Variants in BOC observed in about 807,000 individuals in gnomAD.
The protein encoded by BOC is BOC cell adhesion associated, oncogene regulated, also known as brother of CDO.
In BOC, 76 loss-of-function variants were observed where a neutral mutation model predicts 112.0. That is an observed-to-expected ratio of 0.68 (90% CI 0.56 to 0.82). The LOEUF (loss-of-function observed/expected upper bound fraction) is 0.82. BOC is among the 40% of genes least tolerant of loss of function. The pLI, the probability that BOC is intolerant of heterozygous loss-of-function variation, is 0.00. For missense variants in BOC, 1,309 were observed against 1,511.7 expected, an observed-to-expected ratio of 0.87 and a Z score of 2.22; for synonymous variants, 580 against 599.8, an observed-to-expected ratio of 0.97 and a Z score of 0.48.
intron 1 of BOC, chr3:113,212,320 A>C (rs947095981): frequency 2.6e-5 from 4 of 152,026 alleles, no homozygotes; most frequent in African/African-American, 9.7e-5. Context: ...TCCCTGCCGC[A>C]GCGGTCTGGC....
At chr3:113,223,636 A>T (rs1236795101) in intron 2 of BOC, among the ~76,000 whole-genome samples, 1 of 152,166 alleles carries the variant, frequency 6.6e-6, no homozygotes, top group Admixed American at 6.5e-5. Context: ...GCCCCTGGCA[A>T]CCGCTGATCT....
intron 5 of BOC, among the ~76,000 whole-genome samples, chr3:113,268,907 C>G (rs776408432): frequency 6.6e-6 from 1 of 152,224 alleles, no homozygotes; most frequent in Non-Finnish European, 1.5e-5. Flanking sequence ...TGTGTTCTTT[C>G]TTGATATTTG....
chr3:113,236,264 G>GTCTATATATACCCA (rs1559821292), intron 2 of BOC, among the ~76,000 whole-genome samples: 1 of 25,514 alleles, frequency 3.9e-5, no homozygotes, highest in Non-Finnish European at 1.0e-4. Flanking sequence ...GTGTGTGTGT[G>GTCTATATATACCCA]TGTATATATA....
At chr3:113,218,509 G>A (rs1375330791) in intron 2 of BOC, among the ~76,000 whole-genome samples, 1 of 152,210 alleles carries the variant, frequency 6.6e-6, no homozygotes, top group Non-Finnish European at 1.5e-5. Flanking sequence ...GCCCAAGTGA[G>A]AGAGACTTAA....
intron 2 of BOC, among the ~76,000 whole-genome samples, chr3:113,225,900 T>C (rs1480259424): frequency 1.3e-5 from 2 of 152,140 alleles, no homozygotes; most frequent in Admixed American, 1.3e-4. Flanking sequence ...TACTGAACTG[T>C]GTAAGTGTGG....
intron 4 of BOC, among the ~76,000 whole-genome samples, chr3:113,257,548 T>C (rs1004218392): frequency 6.6e-6 from 1 of 152,008 alleles, no homozygotes; most frequent in Non-Finnish European, 1.5e-5. Flanking sequence ...ATAAAACCTA[T>C]GTCTTGATTT....
intron 4 of BOC, 44 bp from the exon 5 acceptor site, chr3:113,268,255 T>G (rs371834955): frequency 1.9e-6 from 3 of 1,610,434 alleles, no homozygotes; most frequent in Non-Finnish European, 2.5e-6. Context: ...TGTCACACTT[T>G]TGCTCTGCTG....
intron 6 of BOC, chr3:113,271,289 TG>T (rs1477726513): frequency 8.1e-6 from 4 of 492,358 alleles, no homozygotes; most frequent in Non-Finnish European, 1.6e-5. Flanking sequence ...GGACACAGCA[TG>T]TGCCTAGAAC....
intron 9 of BOC, among the ~76,000 whole-genome samples, chr3:113,275,533 G>A (rs546988917): frequency 4.6e-5 from 7 of 152,322 alleles, no homozygotes; most frequent in East Asian, 3.9e-4. Context: ...TTCACTCCAA[G>A]TATATGCCAT....
chr3:113,260,422 G>A (rs1946690054), intron 4 of BOC, among the ~76,000 whole-genome samples: 1 of 152,136 alleles, frequency 6.6e-6, no homozygotes, highest in African/African-American at 2.4e-5. Flanking sequence ...AACAACATTG[G>A]AAAGAAACTG....
At chr3:113,223,588 CT>C (rs1411521505) in intron 2 of BOC, among the ~76,000 whole-genome samples, 1 of 152,180 alleles carries the variant, frequency 6.6e-6, no homozygotes, top group African/African-American at 2.4e-5. Context: ...CTAAAAATCC[CT>C]TGTGCGCCAC....
rs1365256192 is a variant in BOC, at chr3:113,278,812, G to A, written c.1816+29G>A. On this transcript the variant is annotated intron_variant, in intron 11 of 19. Transcript: ENST00000682979. This position sits in a 1 kb window ranked among gnomAD's most constrained non-coding sequence, Gnocchi z 4.2. Reference sequence around the variant, plus strand: ...AGCCGCTAGCAGCAGGGACGGACGCGCAGTCAGGACTGGAACTGCCTCAGA... The same window carrying A: ...AGCCGCTAGCAGCAGGGACGGACGCACAGTCAGGACTGGAACTGCCTCAGA... 25 of 1,542,200 alleles carry A rather than the reference G, an allele frequency of 1.6e-5. No individual in the cohort carries two copies. Among genetic ancestry groups the A allele is most frequent in the Non-Finnish European group, 1.4e-5 (16 of 1,138,960 alleles).
At chr3:113,231,761 TCTC>T (rs1942649176) in intron 2 of BOC, among the ~76,000 whole-genome samples, 4 of 152,212 alleles carry the variant, frequency 2.6e-5, no homozygotes, top group Admixed American at 2.6e-4. Flanking sequence ...TCCTCACTAA[TCTC>T]CTTTCCACCA....
At chr3:113,249,624 A>G in intron 2 of BOC, 98 bp from the exon 3 acceptor site, 1 of 528,742 alleles carries the variant, frequency 1.9e-6, no homozygotes, top group Non-Finnish European at 3.3e-6. Flanking sequence ...AATGTTGCCA[A>G]CAGGGAACAA....
chr3:113,262,429 C>T (rs1046795564), intron 4 of BOC, among the ~76,000 whole-genome samples: 3 of 152,250 alleles, frequency 2.0e-5, no homozygotes, highest in African/African-American at 7.2e-5. Context: ...AATTCTGCAG[C>T]ACCTGGCTTG....
intron 2 of BOC, among the ~76,000 whole-genome samples, chr3:113,218,459 A>C (rs1939916154): frequency 1.3e-5 from 2 of 152,200 alleles, no homozygotes. Flanking sequence ...CTATCATTTC[A>C]TAGTGGTGTG....
At position 113,249,800 on chromosome 3, in the gene BOC, AC is replaced by A; in HGVS notation, c.-1del. On this transcript the variant is annotated 5_prime_UTR_variant, in exon 3 of 20. Coordinates refer to ENST00000682979, the MANE Select transcript of BOC (RefSeq NM_001378074.1). ...CGTTGGCTTCAGACCTTTGTGATAC[AC>A]CATGCTGCGTGGGACGATGACGGCG... 6.2e-7 allele frequency: 1 copy of A among 1,610,674 alleles called. No individual in the cohort carries two copies. Among genetic ancestry groups the A allele is most frequent in the Non-Finnish European group, 8.5e-7 (1 of 1,179,076 alleles).
chr3:113,227,105 T>C (rs1941791654), intron 2 of BOC, among the ~76,000 whole-genome samples: 1 of 152,226 alleles, frequency 6.6e-6, no homozygotes, highest in Admixed American at 6.5e-5. Flanking sequence ...TCTATTATTA[T>C]CATCATTATT....
chr3:113,247,832 C>T lies in BOC; in HGVS notation c.-81-1890C>T, dbSNP rs114502847. On this transcript the variant is annotated intron_variant, in intron 2 of 19. Coordinates refer to ENST00000682979, the MANE Select transcript of BOC (RefSeq NM_001378074.1). Reference sequence around the variant, plus strand: ...AATTTTACTTTGCCAATAATATGACCCTTTGATTTACTGGATTGTTTGAAA... The same window carrying T: ...AATTTTACTTTGCCAATAATATGACTCTTTGATTTACTGGATTGTTTGAAA... 4.5e-3 allele frequency among the ~76,000 whole-genome samples: 680 copies of T among 152,278 alleles called. 7 individuals are homozygous for T. Among genetic ancestry groups the T allele is most frequent in the African/African-American group, 0.015 (642 of 41,544 alleles).
Sources: gnomAD v4.1 joint callset for allele counts (sites outside exome capture counted in the v4.1 genomes callset) on GRCh38, gnomAD v4.1.1 for gene constraint, Gnocchi (gnomAD v3.1) non-coding constraint, MANE v1.5 for transcripts, NCBI Gene and HGNC (gene_info 2026-07-23, HGNC 2026-07-21) for gene names.